The following TAFA2 variants were observed in gnomAD, a reference collection of about 807,000 sequenced individuals.
The protein encoded by TAFA2 is TAFA chemokine like family member 2.
A neutral mutation model predicts 18.8 loss-of-function variants in TAFA2; 7 were observed. That is an observed-to-expected ratio of 0.37 (90% CI 0.21 to 0.70). The LOEUF is 0.70. Among genes scored for constraint, TAFA2 ranks in the 30% least tolerant of loss-of-function variants. The probability of loss-of-function intolerance (pLI) is 0.53; values close to 1 mark genes in which losing one functional copy is unlikely to be tolerated. For synonymous variants in TAFA2, 60 were observed against 54.2 expected (o/e 1.11, Z -0.47); for missense variants, 122 against 158.1 (o/e 0.77, Z 1.23).
chr12:62,250,522 G>A (rs563558373), intron 1 of TAFA2, among the ~76,000 whole-genome samples: 2 of 152,080 alleles, frequency 1.3e-5, no homozygotes, highest in African/African-American at 4.8e-5. Flanking sequence ...ATGTGTGTGA[G>A]TTTTGTTCTT....
chr12:62,246,469 C>T (rs892312877), intron 1 of TAFA2, among the ~76,000 whole-genome samples: 2 of 152,120 alleles, frequency 1.3e-5, no homozygotes, highest in Non-Finnish European at 2.9e-5. Context: ...TTTGAAATAA[C>T]CTATATTCTT....
At chr12:62,079,802 C>CA (rs1868292598) in intron 1 of TAFA2, among the ~76,000 whole-genome samples, 3 of 152,098 alleles carry the variant, frequency 2.0e-5, no homozygotes, top group Admixed American at 6.6e-5. Context: ...AAGCTTCTCA[C>CA]AAAAAAAGTG....
At chr12:62,028,538 C>T (rs1332791726) in intron 1 of TAFA2, among the ~76,000 whole-genome samples, 1 of 152,176 alleles carries the variant, frequency 6.6e-6, no homozygotes, top group East Asian at 1.9e-4. Flanking sequence ...TGTGCATGGT[C>T]AAACATAACA....
At chr12:62,205,363 G>A (rs1420025969) in intron 1 of TAFA2, among the ~76,000 whole-genome samples, 1 of 152,222 alleles carries the variant, frequency 6.6e-6, no homozygotes, top group African/African-American at 2.4e-5. Flanking sequence ...TGGCAGAGGG[G>A]GTGCACTGCA....
At chr12:62,102,897 G>C (rs964726190) in intron 1 of TAFA2, among the ~76,000 whole-genome samples, 1 of 152,174 alleles carries the variant, frequency 6.6e-6, no homozygotes, top group African/African-American at 2.4e-5. Context: ...CATCGCCTTT[G>C]TATCTGTCTT....
rs759686729 is a variant in TAFA2 at position 61,880,582 on chromosome 12, A to G, written c.-1-13156T>C. ...ACTCAAAGACCACCAGTGGCTACGC[A>G]GGAGGGCTGAGCTCGGCCTATGGGG... On this transcript the variant is annotated intron_variant, in intron 1 of 4. Transcript: ENST00000416284. The G allele has an allele frequency of 3.5e-5, 16 of 462,790 alleles. 1 individual carries two copies. The highest frequency in any genetic ancestry group is 5.9e-5 in the African/African-American group (3 of 50,610). 28.7% of individuals were successfully genotyped at this position (462,790 alleles called of 1,614,324 possible). A position where few individuals can be genotyped will look rare whatever the true frequency, so the allele number is the denominator to read the frequency against.
At chr12:62,239,522 A>G (rs969217077) in intron 1 of TAFA2, among the ~76,000 whole-genome samples, 1 of 152,218 alleles carries the variant, frequency 6.6e-6, no homozygotes, top group Non-Finnish European at 1.5e-5. Flanking sequence ...TGACTAGTTC[A>G]ATCAAAAGAG....
intron 4 of TAFA2, among the ~76,000 whole-genome samples, chr12:61,734,852 T>C (rs1177154692): frequency 6.6e-6 from 1 of 152,066 alleles, no homozygotes; most frequent in Non-Finnish European, 1.5e-5. Flanking sequence ...TATATTATTT[T>C]CCCCTTCATC....
intron 1 of TAFA2, among the ~76,000 whole-genome samples, chr12:62,143,654 A>G (rs1023414591): frequency 2.6e-5 from 4 of 152,242 alleles, no homozygotes; most frequent in African/African-American, 9.6e-5. Flanking sequence ...TGACACTTCT[A>G]ATGGCAGCCT....
At chr12:61,982,560 T>C (rs1879673886) in intron 1 of TAFA2, among the ~76,000 whole-genome samples, 1 of 152,216 alleles carries the variant, frequency 6.6e-6, no homozygotes, top group South Asian at 2.1e-4. Context: ...CATGTATCCA[T>C]GTTGCTCTGT....
At chr12:61,773,498 T>A (rs1184666619) in intron 2 of TAFA2, among the ~76,000 whole-genome samples, 2 of 151,806 alleles carry the variant, frequency 1.3e-5, no homozygotes, top group Non-Finnish European at 2.9e-5. Flanking sequence ...GGTACTGGCA[T>A]AAAAATAGGC....
intron 1 of TAFA2, among the ~76,000 whole-genome samples, chr12:62,128,073 G>A (rs1249911094): frequency 6.6e-6 from 1 of 151,934 alleles, no homozygotes; most frequent in Non-Finnish European, 1.5e-5. Flanking sequence ...GGAAAATAAT[G>A]TGTTTTATTT....
At chr12:61,912,321 TG>T (rs1190164484) in intron 1 of TAFA2, among the ~76,000 whole-genome samples, 4 of 152,248 alleles carry the variant, frequency 2.6e-5, no homozygotes, top group African/African-American at 9.6e-5. Flanking sequence ...ATTAGCTATA[TG>T]TGGATATTGA....
chr12:61,849,139 C>T (rs970686881), intron 2 of TAFA2, among the ~76,000 whole-genome samples: 3 of 152,062 alleles, frequency 2.0e-5, no homozygotes, highest in Admixed American at 2.0e-4. Flanking sequence ...TCACTGCGCC[C>T]GGCCATGGTA....
intron 1 of TAFA2, among the ~76,000 whole-genome samples, chr12:62,176,974 T>A (rs1232350660): frequency 2.0e-5 from 3 of 152,228 alleles, no homozygotes; most frequent in Non-Finnish European, 4.4e-5. Flanking sequence ...GTCAAGCCAC[T>A]TGCTTATAAA....
intron 1 of TAFA2, among the ~76,000 whole-genome samples, chr12:61,883,283 T>A (rs1369799036): frequency 6.6e-6 from 1 of 152,164 alleles, no homozygotes; most frequent in Non-Finnish European, 1.5e-5. Context: ...CTTAATTAAA[T>A]TCAAAGAGGC....
chr12:61,890,199 C>G (rs1875567664), intron 1 of TAFA2: 1 of 152,220 alleles, frequency 6.6e-6, no homozygotes, highest in South Asian at 2.1e-4. Flanking sequence ...GAGATATCTT[C>G]CAGAGATAAG....
intron 2 of TAFA2, among the ~76,000 whole-genome samples, chr12:61,758,223 C>A (rs919053214): frequency 6.6e-6 from 1 of 151,752 alleles, no homozygotes; most frequent in Non-Finnish European, 1.5e-5. Context: ...TATAAAAAGT[C>A]TTTCAAGGAG....
At chr12:61,865,968 T>C (rs907223123) in intron 2 of TAFA2, among the ~76,000 whole-genome samples, 1 of 152,206 alleles carries the variant, frequency 6.6e-6, no homozygotes, top group Non-Finnish European at 1.5e-5. Flanking sequence ...GATGAGTATT[T>C]AATACTACTT....
Sources: gnomAD v4.1 joint callset for allele counts (sites outside exome capture counted in the v4.1 genomes callset) on GRCh38, gnomAD v4.1.1 for gene constraint, MANE v1.5 for transcripts, NCBI Gene and HGNC (gene_info 2026-07-23, HGNC 2026-07-21) for gene names.